Variants in NXPE2 observed in about 807,000 individuals in gnomAD.
NXPE2 encodes the protein NXPE family member 2.
NXPE2 carries 34 observed loss-of-function variants against 34.4 expected under a neutral mutation model. That is an observed-to-expected ratio of 0.99 (90% CI 0.75 to 1.31). The LOEUF (loss-of-function observed/expected upper bound fraction) is 1.31, where lower values mean the gene tolerates loss of function less well. Ranked by LOEUF, NXPE2 falls within the 40% of genes most tolerant of loss-of-function variation. The probability of loss-of-function intolerance (pLI) is 0.00; values close to 1 mark genes in which losing one functional copy is unlikely to be tolerated. For synonymous variants in NXPE2, 235 were observed against 231.3 expected (o/e 1.02, Z -0.15); for missense variants, 649 against 672.5 (o/e 0.97, Z 0.39).
the NXPE2 span, among the ~76,000 whole-genome samples, chr11:114,728,043 GTCT>G: frequency 6.6e-6 from 1 of 152,014 alleles, no homozygotes; most frequent in Admixed American, 6.6e-5. Context: ...CCTTCTAAAA[GTCT>G]TCTGTATTCC....
the NXPE2 span, among the ~76,000 whole-genome samples, chr11:114,640,387 T>C: frequency 2.6e-5 from 4 of 150,986 alleles, no homozygotes; most frequent in Non-Finnish European, 5.9e-5. Context: ...TCCACTCATG[T>C]GTTCGTCAGT....
At chr11:114,791,148 C>T in the NXPE2 span, among the ~76,000 whole-genome samples, 4 of 151,568 alleles carry the variant, frequency 2.6e-5, no homozygotes, top group South Asian at 8.3e-4. Flanking sequence ...ACAGCTAACT[C>T]TCACCAAAGT....
At chr11:114,701,496 A>T (rs996360343) in intron 3 of NXPE2, among the ~76,000 whole-genome samples, 20 of 152,280 alleles carry the variant, frequency 1.3e-4, no homozygotes, top group African/African-American at 4.1e-4. Context: ...AATAGACATA[A>T]GTCCTTCCCA....
chr11:114,634,192 T>C, the NXPE2 span, among the ~76,000 whole-genome samples: 4 of 151,798 alleles, frequency 2.6e-5, no homozygotes, highest in Non-Finnish European at 5.9e-5. Flanking sequence ...GTGGTTTTGA[T>C]TTGCATTTCT....
At chr11:114,690,460 G>T (rs1350012760) in intron 2 of NXPE2, among the ~76,000 whole-genome samples, 2 of 152,148 alleles carry the variant, frequency 1.3e-5, no homozygotes, top group Non-Finnish European at 2.9e-5. Flanking sequence ...CAGCTGAGAA[G>T]TCTGCTGTTA....
downstream of NXPE2, among the ~76,000 whole-genome samples, chr11:114,711,432 C>G (rs1326655381): frequency 6.6e-6 from 1 of 152,036 alleles, no homozygotes; most frequent in African/African-American, 2.4e-5. Flanking sequence ...AAAGTTTCAG[C>G]ACACAAAACC....
At chr11:114,795,269 G>A in the NXPE2 span, among the ~76,000 whole-genome samples, 1 of 152,166 alleles carries the variant, frequency 6.6e-6, no homozygotes, top group Admixed American at 6.5e-5. Context: ...GATGAGCACA[G>A]GGAAAGACTC....
the NXPE2 span, among the ~76,000 whole-genome samples, chr11:114,536,333 A>G: frequency 2.5e-3 from 386 of 152,344 alleles, 3 homozygotes; most frequent in African/African-American, 9.1e-3. Flanking sequence ...GAAAGCAGGA[A>G]AGATGAAAAA....
the NXPE2 span, among the ~76,000 whole-genome samples, chr11:114,502,882 A>G: frequency 6.6e-6 from 1 of 152,172 alleles, no homozygotes; most frequent in Non-Finnish European, 1.5e-5. Flanking sequence ...TGGGAGAATT[A>G]TTATCCCCAG....
the NXPE2 span, among the ~76,000 whole-genome samples, chr11:114,769,576 GATA>G: frequency 3.3e-5 from 5 of 152,142 alleles, no homozygotes; most frequent in Non-Finnish European, 5.9e-5. Flanking sequence ...GCCCATCAAT[GATA>G]GACTGGATAA....
At chr11:114,522,052 G>A in the NXPE2 span, 2 of 1,613,572 alleles carry the variant, frequency 1.2e-6, no homozygotes, top group Non-Finnish European at 8.5e-7. Flanking sequence ...CATATGCAAT[G>A]GTCATGTCCC....
At chr11:114,756,676 C>A in the NXPE2 span, among the ~76,000 whole-genome samples, 1 of 151,936 alleles carries the variant, frequency 6.6e-6, no homozygotes, top group African/African-American at 2.4e-5. Flanking sequence ...AGGGAGATAA[C>A]ACTATCTGCA....
chr11:114,730,992 C>T, the NXPE2 span, among the ~76,000 whole-genome samples: 1 of 152,044 alleles, frequency 6.6e-6, no homozygotes, highest in Non-Finnish European at 1.5e-5. Context: ...GAATGCTTCC[C>T]TCAGCTTTTG....
chr11:114,507,015 A>G, the NXPE2 span, among the ~76,000 whole-genome samples: 289 of 152,142 alleles, frequency 1.9e-3, no homozygotes, highest in African/African-American at 6.8e-3. Flanking sequence ...ATTCAAATAA[A>G]CACAATCAGA....
chr11:114,488,563 A>C, the NXPE2 span, among the ~76,000 whole-genome samples: 55 of 152,302 alleles, frequency 3.6e-4, no homozygotes, highest in East Asian at 7.5e-3. Context: ...CTCACTCAAA[A>C]CTGCTCAACT....
chr11:114,570,866 G>A, the NXPE2 span: 1 of 1,068,310 alleles, frequency 9.4e-7, no homozygotes, highest in Admixed American at 2.6e-5. Flanking sequence ...GCCAAACACA[G>A]CATCTGGCCT....
At chr11:114,753,385 C>T in the NXPE2 span, among the ~76,000 whole-genome samples, 3 of 139,376 alleles carry the variant, frequency 2.2e-5, no homozygotes, top group African/African-American at 5.0e-5. Flanking sequence ...AGAGCAAGAC[C>T]CTGTCTTAGA....
At chr11:114,645,259 T>C in the NXPE2 span, among the ~76,000 whole-genome samples, 102,065 of 151,908 alleles carry the variant, frequency 0.67, 34,543 homozygotes, top group African/African-American at 0.75. Flanking sequence ...TGAGATCATG[T>C]CACTGCACTC....
the NXPE2 span, among the ~76,000 whole-genome samples, chr11:114,746,899 ACCCC>A: frequency 7.1e-6 from 1 of 141,316 alleles, no homozygotes; most frequent in African/African-American, 2.6e-5. Context: ...AAAAAAAAAA[ACCCC>A]ACAAAGAACA....
Sources: gnomAD v4.1 joint callset for allele counts (sites outside exome capture counted in the v4.1 genomes callset) on GRCh38, gnomAD v4.1.1 for gene constraint, MANE v1.5 for transcripts, NCBI Gene and HGNC (gene_info 2026-07-23, HGNC 2026-07-21) for gene names.